Variants in SLC35D1 observed in about 807,000 individuals in gnomAD.
SLC35D1 encodes the protein nucleotide sugar transporter SLC35D1.
A neutral mutation model predicts 46.7 loss-of-function variants in SLC35D1; 31 were observed. The ratio of observed to expected loss-of-function variants is 0.66; its 90% confidence interval spans 0.50 to 0.90. SLC35D1 has a LOEUF of 0.90. Among genes scored for constraint, SLC35D1 ranks in the 40% least tolerant of loss-of-function variants. The probability of loss-of-function intolerance (pLI) is 0.00; values close to 1 mark genes in which losing one functional copy is unlikely to be tolerated. For synonymous variants in SLC35D1, 195 were observed against 164.6 expected (o/e 1.18, Z -1.41); for missense variants, 397 against 426.2 (o/e 0.93, Z 0.60).
the SLC35D1 span, among the ~76,000 whole-genome samples, chr1:66,990,881 C>T: frequency 6.6e-6 from 1 of 152,072 alleles, no homozygotes; most frequent in Non-Finnish European, 1.5e-5. Flanking sequence ...AGGGGAGGGT[C>T]GAGTCTGTTT....
chr1:66,991,570 T>C, the SLC35D1 span, among the ~76,000 whole-genome samples: 1 of 152,228 alleles, frequency 6.6e-6, no homozygotes, highest in East Asian at 1.9e-4. Context: ...ACAAGGTATA[T>C]CCTGTAAGTT....
chr1:66,973,619 G>T, the SLC35D1 span, among the ~76,000 whole-genome samples: 11 of 151,904 alleles, frequency 7.2e-5, no homozygotes, highest in African/African-American at 2.7e-4. Flanking sequence ...TTGTTTTGGG[G>T]CTTAATTCTT....
rs1275464815 is a variant in SLC35D1, at chr1:67,053,842, C to G, written c.172G>C (p.Val58Leu). ...TTGGTGAGCACGCTCTTATTCACCA[C>G]CACGATCAGGAAGGAGCTCACGCCG... ...FYGVSSFLIV[V>L]VNKSVLTNYR... is the part of the protein sequence containing the mutation. Residue 58 changes from valine (V) to leucine (L), a missense_variant, in exon 1 of 12, where the codon GTG (valine) becomes CTG (leucine). By Grantham distance (32) the Val-to-Leu change is conservative (BLOSUM62 1). Coordinates refer to ENST00000235345, the MANE Select transcript of SLC35D1 (RefSeq NM_015139.3). 1.2e-6 allele frequency: 2 copies of G among 1,613,194 alleles called. No individual in the cohort carries two copies. Among genetic ancestry groups the G allele is most frequent in the Admixed American group, 1.7e-5 (1 of 59,984 alleles).
downstream of SLC35D1, among the ~76,000 whole-genome samples, chr1:66,997,746 T>G (rs115356263): frequency 6.7e-3 from 986 of 146,852 alleles, 8 homozygotes; most frequent in African/African-American, 0.023. Flanking sequence ...GGAAAGCTGT[T>G]AAATATATAT....
At chr1:66,986,489 G>A in the SLC35D1 span, 4 of 1,548,804 alleles carry the variant, frequency 2.6e-6, no homozygotes, top group Non-Finnish European at 2.7e-6. Flanking sequence ...CTGTGGTCTT[G>A]TTTTTAATGG....
At chr1:67,047,475 G>T in intron 6 of SLC35D1, 108 bp from the exon 7 acceptor site, 2 of 961,754 alleles carry the variant, frequency 2.1e-6, no homozygotes, top group Non-Finnish European at 3.2e-6. Context: ...CTAGGGAAGT[G>T]AATATTAGGC....
At chr1:67,042,432 A>G in intron 7 of SLC35D1, 104 bp from the exon 8 acceptor site, 2 of 918,134 alleles carry the variant, frequency 2.2e-6, no homozygotes, top group Non-Finnish European at 3.6e-6. Flanking sequence ...AAACACACAC[A>G]CCCTCCCCTA....
At position 67,003,029 on chromosome 1, in the gene SLC35D1, C is replaced by G. The variant is rs1440639890; in HGVS notation, c.*1311G>C. 1 of 152,354 alleles carries G rather than the reference C, an allele frequency of 6.6e-6. No homozygotes were observed. The highest frequency in any genetic ancestry group is 2.4e-5 in the African/African-American group (1 of 41,452). 9.4% of individuals were successfully genotyped at this position (152,354 alleles called of 1,614,324 possible). ...ATTGGTTTTGAGAGAAGTTGGCAAG[C>G]TCAGTAGGTGAGCCAAGGGGCACAT... On this transcript the variant is annotated 3_prime_UTR_variant, in exon 12 of 12. Coordinates refer to ENST00000235345, the MANE Select transcript of SLC35D1 (RefSeq NM_015139.3).
At chr1:67,031,969 C>T in intron 8 of SLC35D1, 1 of 760,128 alleles carries the variant, frequency 1.3e-6, no homozygotes, top group Non-Finnish European at 1.6e-6. Flanking sequence ...TGAAACAAAA[C>T]TTCTGCTTCT....
intron 8 of SLC35D1, among the ~76,000 whole-genome samples, chr1:67,038,844 CACACACACAA>C (rs1214811226): frequency 1.3e-5 from 2 of 151,826 alleles, no homozygotes; most frequent in African/African-American, 2.4e-5. Flanking sequence ...TACACACACA[CACACACACAA>C]ACACACACAC....
At chr1:67,049,959 T>C (rs1419887107) in intron 5 of SLC35D1, 109 bp from the exon 6 acceptor site, 32 of 808,216 alleles carry the variant, frequency 4.0e-5, no homozygotes. Flanking sequence ...AACAATCGTA[T>C]TTTAAACATT....
intron 8 of SLC35D1, among the ~76,000 whole-genome samples, chr1:67,034,221 T>C (rs776234475): frequency 5.3e-5 from 8 of 152,232 alleles, no homozygotes; most frequent in Non-Finnish European, 8.8e-5. Flanking sequence ...TTTCTACTTC[T>C]GTGAAGAATT....
chr1:67,046,104 T>C (rs1194288523), intron 7 of SLC35D1, among the ~76,000 whole-genome samples: 1 of 152,122 alleles, frequency 6.6e-6, no homozygotes, highest in African/African-American at 2.4e-5. Flanking sequence ...AGAAAATGGA[T>C]TGGAAACAAA....
At chr1:66,987,498 A>G in the SLC35D1 span, 1 of 152,672 alleles carries the variant, frequency 6.5e-6, no homozygotes, top group Admixed American at 6.5e-5. Flanking sequence ...GTTCAACACA[A>G]GTTTGTTGAG....
the SLC35D1 span, chr1:66,986,146 GAAAACTTTTCAAACTTTTCT>G: frequency 8.6e-7 from 1 of 1,168,320 alleles, no homozygotes; most frequent in Non-Finnish European, 1.1e-6. Flanking sequence ...AGTGAAGTTT[GAAAACTTTTCAAACTTTTCT>G]AGTTACAATC....
chr1:67,029,940 T>A (rs1667984496), intron 8 of SLC35D1, among the ~76,000 whole-genome samples: 1 of 152,186 alleles, frequency 6.6e-6, no homozygotes, highest in Non-Finnish European at 1.5e-5. Context: ...ACAAAATATA[T>A]AATTTTAACT....
chr1:67,027,946 G>A (rs1667946049), intron 8 of SLC35D1, among the ~76,000 whole-genome samples: 1 of 151,998 alleles, frequency 6.6e-6, no homozygotes, highest in African/African-American at 2.4e-5. Flanking sequence ...TGACCAGGTT[G>A]GTCTCAAACT....
chr1:67,027,933 T>C (rs1226828789), intron 8 of SLC35D1, among the ~76,000 whole-genome samples: 1 of 152,114 alleles, frequency 6.6e-6, no homozygotes, highest in East Asian at 1.9e-4. Flanking sequence ...GGTTTTGCCA[T>C]GTTGACCAGG....
chr1:66,999,102 T>C (rs1667279628), downstream of SLC35D1, among the ~76,000 whole-genome samples: 1 of 152,174 alleles, frequency 6.6e-6, no homozygotes, highest in South Asian at 2.1e-4. Context: ...ACTTGATGAG[T>C]AAAGCTACTC....
Sources: gnomAD v4.1 joint callset for allele counts (sites outside exome capture counted in the v4.1 genomes callset) on GRCh38, gnomAD v4.1.1 for gene constraint, MANE v1.5 for transcripts, NCBI Gene and HGNC (gene_info 2026-07-23, HGNC 2026-07-21) for gene names.